Variants in PPP3R2 observed in about 807,000 individuals in gnomAD.
PPP3R2 encodes calcineurin subunit B type 2.
For synonymous variants in PPP3R2, 91 were observed against 91.5 expected (o/e 0.99, Z 0.03); for missense variants, 225 against 217.4 (o/e 1.03, Z -0.22).
rs1480243298 is a variant in PPP3R2, at chr9:101,594,571, C to T, written c.351G>A (p.Lys117=). The T allele has an allele frequency of 1.9e-6, 3 of 1,614,214 alleles. No individual in the cohort carries two copies. The South Asian group carries it at 3.3e-5, about 18-fold the overall frequency. The change falls in exon 1 of 1, where the codon AAG becomes AAA. Residue 117 remains lysine, a synonymous_variant. Transcript: ENST00000374806. ...CCGTCAGGTTGTTGCCCACCATCAT[C>T]TTCAGCACCTGGAAGAGCTCCCCGT... ...ISNGELFQVL[K]MMVGNNLTDW... is the part of the protein sequence containing the mutation.
rs1296623488 is a variant in PPP3R2 at position 101,594,676 on chromosome 9, G to T, written c.246C>A (p.Phe82Leu). Residue 82 changes from phenylalanine (F) to leucine (L), a missense_variant, in exon 1 of 1, where the codon TTC becomes TTA. Coordinates refer to ENST00000374806, the MANE Select transcript of PPP3R2 (RefSeq NM_147180.4). ...FKEFILGTSQ[F>L]SVKGDEEQKL... Reference sequence around the variant, plus strand: ...TCTGCTCCTCGTCGCCCTTGACGCTGAACTGGGAGGTCCCCAGGATGAATT... The same window carrying T: ...TCTGCTCCTCGTCGCCCTTGACGCTTAACTGGGAGGTCCCCAGGATGAATT... 1 of 1,614,176 alleles carries T rather than the reference G, an allele frequency of 6.2e-7. No individual in the cohort carries two copies. Among genetic ancestry groups the T allele is most frequent in the Non-Finnish European group, 8.5e-7 (1 of 1,180,042 alleles).
At position 101,593,872 on chromosome 9, in the gene PPP3R2, C is replaced by A. The variant is rs1828068681; in HGVS notation, c.*537G>T. 1 of 153,042 alleles carries A rather than the reference C, an allele frequency of 6.5e-6. No homozygotes were observed. The highest frequency in any genetic ancestry group is 1.5e-5 in the Non-Finnish European group (1 of 68,768). 9.5% of individuals were successfully genotyped at this position (153,042 alleles called of 1,614,324 possible). On this transcript the variant is annotated 3_prime_UTR_variant, in exon 1 of 1. Coordinates refer to ENST00000374806, the MANE Select transcript of PPP3R2 (RefSeq NM_147180.4). ...GCATTGTGGGGAATGGGGCTGCAAT[C>A]TGCCGAAGGAAAAGATGGGATTCTG...
In PPP3R2 at chr9:101,594,074, C is replaced by G. The variant is rs781415169; in HGVS notation, c.*335G>C. 1 of 232,108 alleles carries G rather than the reference C, an allele frequency of 4.3e-6. No homozygotes were observed. Among genetic ancestry groups the G allele is most frequent in the Non-Finnish European group, 8.3e-6 (1 of 119,980 alleles). 14.4% of individuals were successfully genotyped at this position (232,108 alleles called of 1,614,324 possible). A position where few individuals can be genotyped will look rare whatever the true frequency, so the allele number is the denominator to read the frequency against. On this transcript the variant is annotated 3_prime_UTR_variant, in exon 1 of 1. Coordinates refer to ENST00000374806, the MANE Select transcript of PPP3R2 (RefSeq NM_147180.4). ...CCATATACAAAATGATGAGAAATAACAGCAAAAATGTATACTTTCTTATTT... is the reference window on the plus strand; with the variant it reads ...CCATATACAAAATGATGAGAAATAAGAGCAAAAATGTATACTTTCTTATTT...
At position 101,593,919 on chromosome 9, in the gene PPP3R2, G is replaced by A. The variant is rs1828069819; in HGVS notation, c.*490C>T. ...TCTGTCCCCTAAGAAAAGTGATTAC[G>A]AGATGCCCAGCAAAGACAAATATAT... On this transcript the variant is annotated 3_prime_UTR_variant, in exon 1 of 1. Coordinates refer to ENST00000374806, the MANE Select transcript of PPP3R2 (RefSeq NM_147180.4). The A allele has an allele frequency of 6.5e-6, 1 of 153,418 alleles. No homozygotes were observed. The highest frequency in any genetic ancestry group is 2.4e-5 in the African/African-American group (1 of 41,388). The allele number at this position is 153,418 out of a possible 1,614,324, so 9.5% of individuals were successfully genotyped here. A position where few individuals can be genotyped will look rare whatever the true frequency, so the allele number is the denominator to read the frequency against.
In PPP3R2 at chr9:101,594,637, C is replaced by G; in HGVS notation, c.285G>C (p.Ala95=). 1 of 1,614,180 alleles carries G rather than the reference C, an allele frequency of 6.2e-7. No individual in the cohort carries two copies. The highest frequency in any genetic ancestry group is 8.5e-7 in the Non-Finnish European group (1 of 1,180,042). The change falls in exon 1 of 1, where the codon GCG becomes GCC. Residue 95 remains alanine, a synonymous_variant. Coordinates refer to ENST00000374806, the MANE Select transcript of PPP3R2 (RefSeq NM_147180.4). ...KGDEEQKLRF[A]FSIYDMDKDG... ...CTTTATCCATGTCGTAAATGCTGAA[C>G]GCAAACCTCAACTTCTGCTCCTCGT...
Position 101,594,703 on chromosome 9 carries a change from C to T in PPP3R2, c.219G>A (p.Lys73=). 1 of 1,614,216 alleles carries T rather than the reference C, an allele frequency of 6.2e-7. No homozygotes were observed. Among genetic ancestry groups the T allele is most frequent in the Non-Finnish European group, 8.5e-7 (1 of 1,180,052 alleles). ...DTDGDGEVDF[K]EFILGTSQFS... is the part of the protein sequence containing the mutation. Reference sequence around the variant, plus strand: ...ACTGGGAGGTCCCCAGGATGAATTCCTTGAAGTCCACTTCTCCATCACCGT... The same window carrying T: ...ACTGGGAGGTCCCCAGGATGAATTCTTTGAAGTCCACTTCTCCATCACCGT... The change falls in exon 1 of 1, where the codon AAG becomes AAA. Residue 73 remains lysine, a synonymous_variant. Transcript: ENST00000374806.
Position 101,594,933 on chromosome 9 carries a change from G to A in PPP3R2, c.-12C>T, listed in dbSNP as rs768797949. 6.3e-7 allele frequency: 1 copy of A among 1,595,728 alleles called. No individual in the cohort carries two copies. Among genetic ancestry groups the A allele is most frequent in the South Asian group, 1.1e-5 (1 of 90,520 alleles). On this transcript the variant is annotated 5_prime_UTR_variant, in exon 1 of 1. Transcript: ENST00000374806. ...GCCTCGTTTCCCATTGTGGACATCT[G>A]GCAACGGCCACGGCTCAAAGGGTCG...
In PPP3R2 at chr9:101,594,285, A is replaced by C; in HGVS notation, c.*124T>G. On this transcript the variant is annotated 3_prime_UTR_variant, in exon 1 of 1. Transcript: ENST00000374806. ...TTGGTGATGAAGCTCCTGTTAGGAC[A>C]TATGGCTTCACAAAAAGAAATACTT... is the stretch of plus-strand genomic sequence containing the variant. 1 of 1,257,928 alleles carries C rather than the reference A, an allele frequency of 7.9e-7. No individual in the cohort carries two copies. 77.9% of individuals were successfully genotyped at this position (1,257,928 alleles called of 1,614,324 possible).
In PPP3R2 at chr9:101,592,131, G is replaced by A. The variant is rs1434843322; in HGVS notation, c.*2278C>T. On this transcript the variant is annotated 3_prime_UTR_variant, in exon 1 of 1. Transcript: ENST00000374806. ...GAGATTTTGTTTTAAAAATTCTCCA[G>A]TTCTCAGGTCAGAAAGTCTGTTGTC... 1 of 152,206 alleles carries A rather than the reference G, an allele frequency of 6.6e-6. No individual in the cohort carries two copies. The highest frequency in any genetic ancestry group is 2.4e-5 in the African/African-American group (1 of 41,460). 9.4% of individuals were successfully genotyped at this position (152,206 alleles called of 1,614,324 possible). A position where few individuals can be genotyped will look rare whatever the true frequency, so the allele number is the denominator to read the frequency against.
In PPP3R2 at chr9:101,593,831, A is replaced by G. The variant is rs1467365903; in HGVS notation, c.*578T>C. ...ATGAACTCCTACCCCTCAAACATGC[A>G]CAGCGATTTCTGGATGCATTGTGGG... On this transcript the variant is annotated 3_prime_UTR_variant, in exon 1 of 1. Coordinates refer to ENST00000374806, the MANE Select transcript of PPP3R2 (RefSeq NM_147180.4). 1 of 152,714 alleles carries G rather than the reference A, an allele frequency of 6.5e-6. No homozygotes were observed. Among genetic ancestry groups the G allele is most frequent in the Non-Finnish European group, 1.5e-5 (1 of 68,504 alleles). 9.5% of individuals were successfully genotyped at this position (152,714 alleles called of 1,614,324 possible).
At position 101,593,641 on chromosome 9, in the gene PPP3R2, C is replaced by T. The variant is rs1384133793; in HGVS notation, c.*768G>A. On this transcript the variant is annotated 3_prime_UTR_variant, in exon 1 of 1. Coordinates refer to ENST00000374806, the MANE Select transcript of PPP3R2 (RefSeq NM_147180.4). ...TGCTTGCCCTATTTAGCTGGAGGTCCCCTTCATTGAAATTAATGCTGGTGT... is the reference window on the plus strand; with the variant it reads ...TGCTTGCCCTATTTAGCTGGAGGTCTCCTTCATTGAAATTAATGCTGGTGT... 1 of 152,240 alleles carries T rather than the reference C, an allele frequency of 6.6e-6. No homozygotes were observed. Among genetic ancestry groups the T allele is most frequent in the African/African-American group, 2.4e-5 (1 of 41,430 alleles). 9.4% of individuals were successfully genotyped at this position (152,240 alleles called of 1,614,324 possible).
At position 101,594,822 on chromosome 9, in the gene PPP3R2, TGTCCAA is replaced by T. The variant is rs764285218; in HGVS notation, c.94_99del (p.Leu32_Asp33del). On this transcript the variant is annotated inframe_deletion, in exon 1 of 1. Transcript: ENST00000374806. The stretch of plus-strand genomic sequence containing the variant: ...TCCTCCACGCTCAGAGACCCTGATT[TGTCCAA>T]GTCCAACTTCTTAAACCTCCTGCCC... The T allele has an allele frequency of 6.2e-7, 1 of 1,611,378 alleles. No homozygotes were observed. The highest frequency in any genetic ancestry group is 1.1e-5 in the South Asian group (1 of 91,082).
chr9:101,593,178 CT>C lies in PPP3R2; in HGVS notation c.*1230del, dbSNP rs1828056400. The C allele has an allele frequency of 1.3e-5, 2 of 152,194 alleles. No individual in the cohort carries two copies. The highest frequency in any genetic ancestry group is 4.1e-4 in the South Asian group (2 of 4,830). 9.4% of individuals were successfully genotyped at this position (152,194 alleles called of 1,614,324 possible). A position where few individuals can be genotyped will look rare whatever the true frequency, so the allele number is the denominator to read the frequency against. On this transcript the variant is annotated 3_prime_UTR_variant, in exon 1 of 1. Transcript: ENST00000374806. ...AGCTTTTGTTCTTTTCTCACCATGG[CT>C]GATCTAAAGCTACCAACATGACATA... is the stretch of plus-strand genomic sequence containing the variant.
Position 101,594,091 on chromosome 9 carries a change from T to G in PPP3R2, c.*318A>C. 1 of 265,472 alleles carries G rather than the reference T, an allele frequency of 3.8e-6. No individual in the cohort carries two copies. The highest frequency in any genetic ancestry group is 7.1e-6 in the Non-Finnish European group (1 of 141,134). 16.4% of individuals were successfully genotyped at this position (265,472 alleles called of 1,614,324 possible). ...AGAAATAACAGCAAAAATGTATACTTTCTTATTTTTGAACTTTTAAAGTTC... is the reference window on the plus strand; with the variant it reads ...AGAAATAACAGCAAAAATGTATACTGTCTTATTTTTGAACTTTTAAAGTTC... On this transcript the variant is annotated 3_prime_UTR_variant, in exon 1 of 1. Coordinates refer to ENST00000374806, the MANE Select transcript of PPP3R2 (RefSeq NM_147180.4).
At position 101,594,727 on chromosome 9, in the gene PPP3R2, G is replaced by A. The variant is rs894352330; in HGVS notation, c.195C>T (p.Asp65=). ...CCTTGAAGTCCACTTCTCCATCACC[G>A]TCGGTGTCGAAGACGTCGATCACTC... is the stretch of plus-strand genomic sequence containing the variant. ...VRRVIDVFDT[D]GDGEVDFKEF... The change falls in exon 1 of 1, where the codon GAC becomes GAT. Residue 65 remains aspartate, a synonymous_variant. Coordinates refer to ENST00000374806, the MANE Select transcript of PPP3R2 (RefSeq NM_147180.4). 4 of 1,613,490 alleles carry A rather than the reference G, an allele frequency of 2.5e-6. No individual in the cohort carries two copies. The highest frequency in any genetic ancestry group is 3.3e-5 in the Admixed American group (2 of 59,994).
Position 101,594,481 on chromosome 9 carries a change from C to A in PPP3R2, c.441G>T (p.Lys147Asn). ...IIILDKDGDG[K>N]ISFEEFSAVV... is the part of the protein sequence containing the mutation. ...CAGCACTGAATTCCTCAAAGGATAT[C>A]TTCCCATCGCCATCCTTGTCCAGGA... The change falls in exon 1 of 1, where the codon AAG (lysine) becomes AAT (asparagine). Residue 147 changes from lysine to asparagine, a missense_variant. Coordinates refer to ENST00000374806, the MANE Select transcript of PPP3R2 (RefSeq NM_147180.4). The A allele has an allele frequency of 6.2e-7, 1 of 1,614,174 alleles. No individual in the cohort carries two copies. Among genetic ancestry groups the A allele is most frequent in the Non-Finnish European group, 8.5e-7 (1 of 1,180,032 alleles).
In PPP3R2 at chr9:101,594,928, C is replaced by T. The variant is rs945752205; in HGVS notation, c.-7G>A. On this transcript the variant is annotated 5_prime_UTR_variant, in exon 1 of 1. The change abolishes an upstream ATG in the 5' untranslated region. Transcript: ENST00000374806. ...AACTGGCCTCGTTTCCCATTGTGGA[C>T]ATCTGGCAACGGCCACGGCTCAAAG... The T allele has an allele frequency of 5.6e-6, 9 of 1,596,430 alleles. No homozygotes were observed. Among genetic ancestry groups the T allele is most frequent in the Non-Finnish European group, 7.6e-6 (9 of 1,178,192 alleles).
rs1171845958 is a variant in PPP3R2, at chr9:101,591,974, G to A, written c.*2435C>T. Reference sequence around the variant, plus strand: ...AATTTTAAAATTTCCATATTTTAATGTGCACATTGCAGGGTGTATAAATAA... The same window carrying A: ...AATTTTAAAATTTCCATATTTTAATATGCACATTGCAGGGTGTATAAATAA... On this transcript the variant is annotated 3_prime_UTR_variant, in exon 1 of 1. Transcript: ENST00000374806. The A allele has an allele frequency of 6.6e-6, 1 of 152,184 alleles. No individual in the cohort carries two copies. The highest frequency in any genetic ancestry group is 2.4e-5 in the African/African-American group (1 of 41,444). The allele number at this position is 152,184 out of a possible 1,614,324, so 9.4% of individuals were successfully genotyped here.
rs1488289297 is a variant in PPP3R2 at position 101,594,949 on chromosome 9, C to T, written c.-28G>A. ...TGGACATCTGGCAACGGCCACGGCTCAAAGGGTCGGAGAGGGGAGCAGGGG... is the reference window on the plus strand; with the variant it reads ...TGGACATCTGGCAACGGCCACGGCTTAAAGGGTCGGAGAGGGGAGCAGGGG... On this transcript the variant is annotated 5_prime_UTR_variant, in exon 1 of 1. Coordinates refer to ENST00000374806, the MANE Select transcript of PPP3R2 (RefSeq NM_147180.4). 5 of 1,586,652 alleles carry T rather than the reference C, an allele frequency of 3.2e-6. No individual in the cohort carries two copies. The highest frequency in any genetic ancestry group is 3.4e-6 in the Non-Finnish European group (4 of 1,173,526).
Sources: gnomAD v4.1 joint callset for allele counts on GRCh38, gnomAD v4.1.1 for gene constraint, MANE v1.5 for transcripts, NCBI Gene and HGNC (gene_info 2026-07-23, HGNC 2026-07-21) for gene names.